Variants in TNC observed in about 807,000 individuals in gnomAD.
TNC encodes tenascin.
A neutral mutation model predicts 202.4 loss-of-function variants in TNC; 109 were observed. The observed-to-expected ratio is 0.54, with a 90% confidence interval of 0.46 to 0.63. TNC has a LOEUF of 0.63. Among genes scored for constraint, TNC ranks in the 30% least tolerant of loss-of-function variants. TNC has a pLI of 0.00. For synonymous variants in TNC, 1,007 were observed against 1,089.7 expected (o/e 0.92, Z 1.50); for missense variants, 2,756 against 2,833.3 (o/e 0.97, Z 0.62).
chr9:115,048,620 C>T, intron 15 of TNC, 88 bp from the exon 16 acceptor site: 1 of 1,303,424 alleles, frequency 7.7e-7, no homozygotes, highest in Non-Finnish European at 1.0e-6. Context: ...CCAATAGATA[C>T]CCAAGTCCAT....
chr9:115,027,116 A>AG (rs1829559669), intron 25 of TNC, among the ~76,000 whole-genome samples: 1 of 3,318 alleles, frequency 3.0e-4, no homozygotes, highest in Non-Finnish European at 8.9e-4. Context: ...CTCAGAAAGC[A>AG]AAAAAAAAAA....
intron 1 of TNC, among the ~76,000 whole-genome samples, chr9:115,093,620 C>CTTT (rs71375270): frequency 3.0e-5 from 4 of 133,256 alleles, no homozygotes; most frequent in African/African-American, 5.5e-5. Flanking sequence ...CAATTCTTAG[C>CTTT]TTTTTTTTTT....
intron 15 of TNC, among the ~76,000 whole-genome samples, chr9:115,051,487 A>C (rs1250336891): frequency 6.6e-6 from 1 of 151,716 alleles, no homozygotes; most frequent in Non-Finnish European, 1.5e-5. Flanking sequence ...GGATTAGTGG[A>C]GAAGGTTCAG....
At position 115,057,279 on chromosome 9, in the gene TNC, T is replaced by C. The variant is rs1358051015; in HGVS notation, c.4453A>G (p.Asn1485Asp). 1.9e-6 allele frequency: 3 copies of C among 1,614,184 alleles called. No individual in the cohort carries two copies. Among genetic ancestry groups the C allele is most frequent in the East Asian group, 2.2e-5 (1 of 44,880 alleles). ...GCAGTTCGTTCAGCACCAGAGATAT[T>C]ATATTCCACAGTCTCCAGCAACCTA... The part of the protein sequence containing the change: ...SNRLLETVEY[N>D]ISGAERTAHI... The change falls in exon 15 of 28, where the codon AAT becomes GAT. Residue 1485 changes from asparagine to aspartate, a missense_variant. By Grantham distance (23) the Asn-to-Asp change is conservative. Around this residue, in one of 2 missense-constraint regions of TNC, gnomAD observed 2,559 missense variants for 2,546.0 expected, o/e 1.01. Coordinates refer to ENST00000350763, the MANE Select transcript of TNC (RefSeq NM_002160.4).
chr9:115,080,006 A>T (rs73553184), intron 6 of TNC, among the ~76,000 whole-genome samples: 3,734 of 152,308 alleles, frequency 0.025, 155 homozygotes, highest in African/African-American at 0.085. Context: ...CATGCCTGTA[A>T]TGCCAGCACC....
At chr9:115,062,026 CAGGT>C (rs1832582273) in intron 13 of TNC, among the ~76,000 whole-genome samples, 1 of 152,162 alleles carries the variant, frequency 6.6e-6, no homozygotes, top group South Asian at 2.1e-4. Context: ...ATCTGCCTAT[CAGGT>C]GGGTGTTAGT....
At chr9:115,090,433 T>C (rs770132629) in intron 2 of TNC, 129 bp downstream of exon 2, 11 of 711,380 alleles carry the variant, frequency 1.5e-5, no homozygotes, top group Non-Finnish European at 2.1e-5. Flanking sequence ...ATAAAATCTC[T>C]TTGTAATGAA....
intron 6 of TNC, among the ~76,000 whole-genome samples, chr9:115,078,755 C>T (rs541052082): frequency 6.6e-6 from 1 of 152,316 alleles, no homozygotes; most frequent in Admixed American, 6.5e-5. Flanking sequence ...ATTGCTATTT[C>T]AAGCCTTGCC....
rs2133318898 is a variant in TNC, at chr9:115,081,859, G to A, written c.2317C>T (p.Leu773=). 6.2e-7 allele frequency: 1 copy of A among 1,605,360 alleles called. No individual in the cohort carries two copies. The highest frequency in any genetic ancestry group is 1.7e-4 in the Middle Eastern group (1 of 5,938). Reference sequence around the variant, plus strand: ...ATCTCATACTCTTGCCCAGGAGCTAGACCAGTTTGCCGGTAAGAGGTCTCT... The same window carrying A: ...ATCTCATACTCTTGCCCAGGAGCTAAACCAGTTTGCCGGTAAGAGGTCTCT... ...RPETSYRQTG[L]APGQEYEISL... Residue 773 remains leucine, a synonymous_variant, in exon 6 of 28, where the codon CTA becomes TTA. Transcript: ENST00000350763.
intron 23 of TNC, 52 bp from the exon 24 acceptor site, chr9:115,030,457 G>A (rs1564408757): frequency 6.4e-7 from 1 of 1,553,868 alleles, no homozygotes; most frequent in East Asian, 2.3e-5. Flanking sequence ...GACTGAGCTG[G>A]AGCTTAATTC....
chr9:115,048,636 A>T, intron 15 of TNC, 104 bp from the exon 16 acceptor site: 1 of 1,176,618 alleles, frequency 8.5e-7, no homozygotes, highest in Non-Finnish European at 1.2e-6. Flanking sequence ...TCCATCATTC[A>T]ATTTGTGTTA....
chr9:115,085,287 CA>C (rs1260790566), intron 3 of TNC, among the ~76,000 whole-genome samples: 2 of 152,206 alleles, frequency 1.3e-5, no homozygotes, highest in African/African-American at 4.8e-5. Context: ...AAACCAGTTA[CA>C]AAAGACAATG....
intron 20 of TNC, 111 bp from the exon 21 acceptor site, chr9:115,036,352 C>A: frequency 7.9e-7 from 1 of 1,263,666 alleles, no homozygotes; most frequent in South Asian, 1.4e-5. Context: ...TTCAGTGACC[C>A]TGCGGAAAAG....
At chr9:115,057,037 A>G (rs1832176425) in intron 15 of TNC, 116 bp downstream of exon 15, 1 of 1,286,746 alleles carries the variant, frequency 7.8e-7, no homozygotes, top group Non-Finnish European at 1.1e-6. Flanking sequence ...GCCTAGCACC[A>G]TGGAAGAGTT....
chr9:115,096,148 G>A (rs1835771563), intron 1 of TNC, among the ~76,000 whole-genome samples: 1 of 152,108 alleles, frequency 6.6e-6, no homozygotes, highest in Admixed American at 6.5e-5. Flanking sequence ...GATTTTCTGT[G>A]TATCTCCATC....
chr9:115,115,724 C>T (rs1462801709), intron 1 of TNC, among the ~76,000 whole-genome samples: 1 of 152,178 alleles, frequency 6.6e-6, no homozygotes, highest in African/African-American at 2.4e-5. Context: ...GGCAGAATGG[C>T]AACCAGAATG....
At chr9:115,097,766 T>G (rs1835908723) in intron 1 of TNC, among the ~76,000 whole-genome samples, 1 of 152,202 alleles carries the variant, frequency 6.6e-6, no homozygotes, top group Non-Finnish European at 1.5e-5. Context: ...GCCAAGGTGG[T>G]GTAGCATGCA....
At chr9:115,075,378 A>G (rs1833766030) in intron 9 of TNC, among the ~76,000 whole-genome samples, 1 of 152,154 alleles carries the variant, frequency 6.6e-6, no homozygotes, top group Non-Finnish European at 1.5e-5. Flanking sequence ...GTGTTTTCTC[A>G]GAGAAAACCC....
At position 115,020,945 on chromosome 9, in the gene TNC, GT is replaced by G; in HGVS notation, c.*211del. ...GAATCAAACAACAAAACAGAAACATGTTGGAGACTGATGTCTTTGGTGCAAA... is the reference window on the plus strand; with the variant it reads ...GAATCAAACAACAAAACAGAAACATGTGGAGACTGATGTCTTTGGTGCAAA... On this transcript the variant is annotated 3_prime_UTR_variant, in exon 28 of 28. Transcript: ENST00000350763. 1.9e-6 allele frequency: 1 copy of G among 534,100 alleles called. No individual in the cohort carries two copies. Among genetic ancestry groups the G allele is most frequent in the Non-Finnish European group, 3.3e-6 (1 of 303,162 alleles). 33.1% of individuals were successfully genotyped at this position (534,100 alleles called of 1,614,324 possible). A position where few individuals can be genotyped will look rare whatever the true frequency, so the allele number is the denominator to read the frequency against.
Sources: allele counts gnomAD v4.1 joint callset (sites outside exome capture counted in the v4.1 genomes callset), GRCh38; gene constraint gnomAD v4.1.1; regional missense constraint gnomAD v4.1.1; transcripts MANE v1.5; gene names NCBI Gene and HGNC (gene_info 2026-07-23, HGNC 2026-07-21).